CTNND2: variants seen among roughly 807,000 people sequenced by gnomAD.
CTNND2 encodes the protein catenin delta 2.
A neutral mutation model predicts 144.4 loss-of-function variants in CTNND2; 22 were observed. That is an observed-to-expected ratio of 0.15 (90% CI 0.11 to 0.22). The LOEUF (loss-of-function observed/expected upper bound fraction) is 0.22. Ranked by LOEUF, CTNND2 falls within the 10% of genes least tolerant of loss-of-function variation. The probability of loss-of-function intolerance (pLI) is 1.00; values close to 1 mark genes in which losing one functional copy is unlikely to be tolerated. For missense variants in CTNND2, 1,353 were observed against 1,618.8 expected (o/e 0.84, Z 2.82); for synonymous variants, 751 against 695.6 (o/e 1.08, Z -1.25).
chr5:11,689,557 G>A (rs1335465270), intron 2 of CTNND2, among the ~76,000 whole-genome samples: 1 of 152,074 alleles, frequency 6.6e-6, no homozygotes, highest in Non-Finnish European at 1.5e-5. Flanking sequence ...ATCAATTTGT[G>A]AATGCTGTTG....
chr5:11,247,832 T>A (rs1338668661), intron 9 of CTNND2, among the ~76,000 whole-genome samples: 2 of 152,230 alleles, frequency 1.3e-5, no homozygotes, highest in Non-Finnish European at 2.9e-5. Context: ...ATCAATTATG[T>A]CATAATACCT....
chr5:11,588,865 C>T (rs557137964), intron 2 of CTNND2: 69 of 985,380 alleles, frequency 7.0e-5, no homozygotes, highest in Non-Finnish European at 8.3e-5. Context: ...CAGGCGGTTC[C>T]TGGCATCCTA....
At chr5:11,144,698 G>A (rs1043867232) in intron 12 of CTNND2, among the ~76,000 whole-genome samples, 17 of 152,078 alleles carry the variant, frequency 1.1e-4, no homozygotes, top group African/African-American at 2.2e-4. Context: ...TCAAGGGACC[G>A]CCGTCTCACC....
chr5:11,604,903 T>G (rs1779973702), intron 2 of CTNND2, among the ~76,000 whole-genome samples: 1 of 152,200 alleles, frequency 6.6e-6, no homozygotes, highest in Non-Finnish European at 1.5e-5. Context: ...TTTGTGCAAT[T>G]TATTTATCTG....
chr5:11,584,194 A>G (rs766400235), intron 2 of CTNND2, among the ~76,000 whole-genome samples: 5 of 152,214 alleles, frequency 3.3e-5, no homozygotes, highest in Non-Finnish European at 7.3e-5. Flanking sequence ...TTCATGAAGA[A>G]GGAACGTGTG....
At chr5:11,359,919 C>T (rs1389189468) in intron 8 of CTNND2, among the ~76,000 whole-genome samples, 3 of 152,140 alleles carry the variant, frequency 2.0e-5, no homozygotes, top group African/African-American at 7.2e-5. Flanking sequence ...TCACCATCCA[C>T]AAGCCTGGAG....
At position 11,384,484 on chromosome 5, in the gene CTNND2, T is replaced by G. The variant is rs1758834062; in HGVS notation, c.1177+181A>C. 2 of 602,418 alleles carry G rather than the reference T, an allele frequency of 3.3e-6. No homozygotes were observed. The highest frequency in any genetic ancestry group is 5.8e-6 in the Non-Finnish European group (2 of 343,554). 37.3% of individuals were successfully genotyped at this position (602,418 alleles called of 1,614,324 possible). ...CACATTACTCCGGAAAAGAAGTCAC[T>G]GACAAACTGTAGGGAAGATACTGAC... On this transcript the variant is annotated intron_variant, in intron 7 of 21. Coordinates refer to ENST00000304623, the MANE Select transcript of CTNND2 (RefSeq NM_001332.4). The surrounding 1 kb of genome is among the most constrained non-coding windows in gnomAD (Gnocchi z 5.2).
At chr5:11,281,332 C>T (rs1747091109) in intron 9 of CTNND2, among the ~76,000 whole-genome samples, 1 of 152,152 alleles carries the variant, frequency 6.6e-6, no homozygotes, top group Admixed American at 6.5e-5. Context: ...ATCAATTTTT[C>T]TAAAATGTTC....
intron 18 of CTNND2, 84 bp downstream of exon 18, chr5:11,017,890 G>A (rs1741795495): frequency 1.9e-6 from 2 of 1,040,190 alleles, no homozygotes; most frequent in Admixed American, 1.8e-5. Flanking sequence ...TGAGGCTGTG[G>A]GAAAGTGCCC....
At chr5:11,010,925 G>T (rs35619421) in intron 18 of CTNND2, among the ~76,000 whole-genome samples, 1 of 152,168 alleles carries the variant, frequency 6.6e-6, no homozygotes, top group Non-Finnish European at 1.5e-5. Flanking sequence ...CTCTCATCAC[G>T]AAGGCAAGAG....
intron 9 of CTNND2, among the ~76,000 whole-genome samples, chr5:11,328,797 C>T (rs1752793943): frequency 1.3e-5 from 2 of 152,340 alleles, no homozygotes; most frequent in African/African-American, 4.8e-5. Flanking sequence ...CCACAGACAG[C>T]TCTGCCAAGA....
intron 2 of CTNND2, among the ~76,000 whole-genome samples, chr5:11,576,211 C>T (rs183765800): frequency 6.6e-6 from 1 of 152,048 alleles, no homozygotes; most frequent in Non-Finnish European, 1.5e-5. Flanking sequence ...AATCTCTTGC[C>T]CTGTTCATAC....
intron 12 of CTNND2, among the ~76,000 whole-genome samples, chr5:11,152,630 T>G (rs1247165617): frequency 6.6e-6 from 1 of 152,130 alleles, no homozygotes; most frequent in Non-Finnish European, 1.5e-5. Context: ...AATGTTGGGG[T>G]TGCACCACAG....
chr5:11,240,452 C>T (rs1196718530), intron 9 of CTNND2, among the ~76,000 whole-genome samples: 1 of 119,990 alleles, frequency 8.3e-6, no homozygotes, highest in Non-Finnish European at 1.7e-5. Flanking sequence ...AACATACACA[C>T]ACCCCCCAAC....
At chr5:11,596,124 A>G (rs1037466573) in intron 2 of CTNND2, among the ~76,000 whole-genome samples, 26 of 152,212 alleles carry the variant, frequency 1.7e-4, no homozygotes, top group African/African-American at 6.0e-4. Flanking sequence ...TTTGTTTATT[A>G]CCAGATGGAA....
intron 16 of CTNND2, among the ~76,000 whole-genome samples, chr5:11,063,433 A>C (rs571459493): frequency 1.1e-4 from 17 of 152,326 alleles, no homozygotes; most frequent in African/African-American, 4.1e-4. Context: ...ATCTGTAAGA[A>C]AGTTTTAATT....
chr5:11,822,563 CACA>C (rs1409002971), intron 1 of CTNND2, among the ~76,000 whole-genome samples: 2 of 151,970 alleles, frequency 1.3e-5, no homozygotes, highest in Non-Finnish European at 2.9e-5. Flanking sequence ...CCTCTAATCA[CACA>C]ACAACGTTGA....
intron 9 of CTNND2, among the ~76,000 whole-genome samples, chr5:11,292,248 A>G (rs1286418270): frequency 6.6e-6 from 1 of 152,166 alleles, no homozygotes; most frequent in African/African-American, 2.4e-5. Flanking sequence ...CTAGTGCCCA[A>G]TACCTTAGAA....
intron 2 of CTNND2, among the ~76,000 whole-genome samples, chr5:11,575,889 C>T (rs1441818754): frequency 6.6e-6 from 1 of 152,080 alleles, no homozygotes; most frequent in Non-Finnish European, 1.5e-5. Flanking sequence ...TCATCCATTC[C>T]GAAAGCCTCA....
Sources: gnomAD v4.1 joint callset for allele counts (sites outside exome capture counted in the v4.1 genomes callset) on GRCh38, gnomAD v4.1.1 for gene constraint, Gnocchi (gnomAD v3.1) non-coding constraint, MANE v1.5 for transcripts, NCBI Gene and HGNC (gene_info 2026-07-23, HGNC 2026-07-21) for gene names.